Variants in NCAPG2 observed in about 807,000 individuals in gnomAD.
The protein encoded by NCAPG2 is condensin-2 complex subunit G2.
Under a neutral mutation model 141.1 loss-of-function variants are expected in NCAPG2, and 53 were observed. The observed-to-expected ratio is 0.38, with a 90% CI of 0.30 to 0.47. The LOEUF (loss-of-function observed/expected upper bound fraction) is 0.47, where lower values mean the gene tolerates loss of function less well. Among genes scored for constraint, NCAPG2 ranks in the 20% least tolerant of loss-of-function variants. NCAPG2 has a pLI of 0.99. For missense variants in NCAPG2, 1,087 were observed against 1,389.0 expected (o/e 0.78, Z 3.46); for synonymous variants, 499 against 490.7 (o/e 1.02, Z -0.22).
intron 27 of NCAPG2, among the ~76,000 whole-genome samples, chr7:158,637,579 C>CGAGCCACACACAGGAGCCTGCAGGACTCA (rs1403971410): frequency 3.9e-4 from 2 of 5,130 alleles, no homozygotes; most frequent in East Asian, 6.8e-3. Flanking sequence ...GCTCCGGCTC[C>CGAGCCACACACAGGAGCCTGCAGGACTCA]AGCAGCTCCC....
intron 16 of NCAPG2, among the ~76,000 whole-genome samples, chr7:158,660,859 A>C (rs191843126): frequency 1.8e-3 from 274 of 152,230 alleles, no homozygotes; most frequent in African/African-American, 6.0e-3. Context: ...GGTTTCTCCC[A>C]TACTGTTCTT....
chr7:158,663,662 T>C (rs1253642093), intron 15 of NCAPG2, among the ~76,000 whole-genome samples: 3 of 152,242 alleles, frequency 2.0e-5, no homozygotes, highest in African/African-American at 7.2e-5. Flanking sequence ...TAAAGTCTAG[T>C]TTCTTAATGT....
intron 27 of NCAPG2, among the ~76,000 whole-genome samples, chr7:158,632,216 C>G (rs994677616): frequency 5.3e-5 from 8 of 152,172 alleles, no homozygotes; most frequent in African/African-American, 9.7e-5. Context: ...CAAGGCGAGA[C>G]TCTTCCTCCT....
intron 21 of NCAPG2, 142 bp from the exon 22 acceptor site, chr7:158,654,836 T>C (rs1831782144): frequency 1.1e-5 from 15 of 1,378,310 alleles, no homozygotes; most frequent in Non-Finnish European, 1.2e-5. Context: ...GGAATTTTCA[T>C]AAAGATACAT....
chr7:158,679,180 G>A (rs1277251805), intron 11 of NCAPG2, among the ~76,000 whole-genome samples: 1 of 152,158 alleles, frequency 6.6e-6, no homozygotes, highest in Non-Finnish European at 1.5e-5. Flanking sequence ...TTAACTTTCT[G>A]CATGTCAGGT....
intron 19 of NCAPG2, among the ~76,000 whole-genome samples, chr7:158,655,744 C>CTCATGACCAGGCCCCGTCCTCCCCA (rs1794341148): frequency 6.6e-6 from 1 of 151,532 alleles, no homozygotes; most frequent in Non-Finnish European, 1.5e-5. Flanking sequence ...CCCCATCTGC[C>CTCATGACCAGGCCCCGTCCTCCCCA]TGGCTCCACT....
chr7:158,663,339 C>T (rs1832677716), intron 15 of NCAPG2, among the ~76,000 whole-genome samples: 1 of 152,270 alleles, frequency 6.6e-6, no homozygotes, highest in Non-Finnish European at 1.5e-5. Context: ...ACGGAAGTGG[C>T]TCTCACTCTC....
chr7:158,643,895 C>T (rs370147547), intron 27 of NCAPG2, among the ~76,000 whole-genome samples: 1 of 152,332 alleles, frequency 6.6e-6, no homozygotes, highest in Non-Finnish European at 1.5e-5. Flanking sequence ...GGAAATTACA[C>T]ACATCTCAGA....
rs1480844137 is a variant in NCAPG2, at chr7:158,658,352, A to G, written c.2046T>C (p.Ala682=). The G allele has an allele frequency of 6.2e-7, 1 of 1,611,876 alleles. No homozygotes were observed. The highest frequency in any genetic ancestry group is 8.5e-7 in the Non-Finnish European group (1 of 1,178,926). ...AGAGCAAATACCTGAATGGGGGGAC[A>G]GCAGAGGCCGGCATAAAGGACATTA... The part of the protein sequence containing the change: ...FMLMSFMPAS[A]VPPFSCGVIS... The change falls in exon 17 of 28, where the codon GCT becomes GCC. Residue 682 remains alanine, a synonymous_variant. Transcript: ENST00000356309.
At chr7:158,659,425 T>C (rs1291041110) in intron 16 of NCAPG2, among the ~76,000 whole-genome samples, 1 of 142,792 alleles carries the variant, frequency 7.0e-6, no homozygotes, top group East Asian at 2.0e-4. Context: ...ACAGCTGACA[T>C]AGCACAGAGG....
chr7:158,634,628 C>T (rs1384854185), intron 27 of NCAPG2, among the ~76,000 whole-genome samples: 2 of 152,122 alleles, frequency 1.3e-5, no homozygotes, highest in African/African-American at 2.4e-5. Context: ...GACTCTTTAT[C>T]GTTATCCTGT....
chr7:158,656,536 C>T lies in NCAPG2; in HGVS notation c.2214+16G>A. 6.2e-7 allele frequency: 1 copy of T among 1,613,268 alleles called. No individual in the cohort carries two copies. The highest frequency in any genetic ancestry group is 8.5e-7 in the Non-Finnish European group (1 of 1,179,522). The stretch of plus-strand genomic sequence containing the variant: ...CCTCACTCACCTAATTTTAAGGAAA[C>T]ATGATGTCAACCTACCTTGGCCTGG... On this transcript the variant is annotated intron_variant, in intron 18 of 27. Coordinates refer to ENST00000356309, the MANE Select transcript of NCAPG2 (RefSeq NM_017760.7).
chr7:158,632,517 A>G (rs1300834364), intron 27 of NCAPG2, among the ~76,000 whole-genome samples: 1 of 152,220 alleles, frequency 6.6e-6, no homozygotes, highest in Non-Finnish European at 1.5e-5. Context: ...TCATCTCTGA[A>G]TTCCTCCTGG....
intron 2 of NCAPG2, among the ~76,000 whole-genome samples, chr7:158,699,944 T>G (rs1835681535): frequency 6.6e-6 from 1 of 152,122 alleles, no homozygotes; most frequent in Admixed American, 6.6e-5. Flanking sequence ...TTTATTTATT[T>G]ATTTATTTAT....
chr7:158,701,940 T>C lies in NCAPG2; in HGVS notation c.-39-2A>G. 6.6e-7 allele frequency: 1 copy of C among 1,514,768 alleles called. No homozygotes were observed. The highest frequency in any genetic ancestry group is 9.0e-7 in the Non-Finnish European group (1 of 1,107,660). 93.8% of individuals were successfully genotyped at this position (1,514,768 alleles called of 1,614,324 possible). On this transcript the variant is annotated splice_acceptor_variant, in intron 1 of 27. Transcript: ENST00000356309. LOFTEE classifies it low-confidence loss of function (5UTR_SPLICE). ...TCAAATGGCATTTATTTTGTAACCC[T>C]AATGGAAAACACAATCATACTGAAA...
intron 2 of NCAPG2, among the ~76,000 whole-genome samples, chr7:158,697,464 G>T (rs1238455374): frequency 6.6e-6 from 1 of 152,172 alleles, no homozygotes; most frequent in Admixed American, 6.5e-5. Context: ...TAGCCGGTGT[G>T]GTGGCGTGTG....
chr7:158,680,253 A>G (rs1259197729), intron 10 of NCAPG2, among the ~76,000 whole-genome samples, 168 bp from the exon 11 acceptor site: 1 of 152,216 alleles, frequency 6.6e-6, no homozygotes, highest in Non-Finnish European at 1.5e-5. Flanking sequence ...TTCAATGTCA[A>G]CAGATACTAT....
chr7:158,697,746 A>C (rs1462877812), intron 2 of NCAPG2, among the ~76,000 whole-genome samples: 1 of 152,240 alleles, frequency 6.6e-6, no homozygotes, highest in African/African-American at 2.4e-5. Flanking sequence ...TACACCATGG[A>C]ATACTATACA....
At chr7:158,673,777 G>T (rs753215282) in intron 12 of NCAPG2, among the ~76,000 whole-genome samples, 7 of 152,196 alleles carry the variant, frequency 4.6e-5, no homozygotes, top group Admixed American at 3.9e-4. Flanking sequence ...AGAGGCGCAC[G>T]GCTCCCTGGC....
Sources: allele counts gnomAD v4.1 joint callset (sites outside exome capture counted in the v4.1 genomes callset), GRCh38; gene constraint gnomAD v4.1.1; transcripts MANE v1.5; gene names NCBI Gene and HGNC (gene_info 2026-07-23, HGNC 2026-07-21).